The following PDE3A variants were observed in gnomAD, a reference collection of about 807,000 sequenced individuals.
PDE3A encodes cGMP-inhibited 3',5'-cyclic phosphodiesterase 3A.
A neutral mutation model predicts 98.3 loss-of-function variants in PDE3A; 43 were observed. That is an observed-to-expected ratio of 0.44 (90% confidence interval 0.34 to 0.56). The LOEUF (loss-of-function observed/expected upper bound fraction) is 0.56, where lower values mean the gene tolerates loss of function less well. Ranked by LOEUF, PDE3A falls within the 20% of genes least tolerant of loss-of-function variation. The probability of loss-of-function intolerance (pLI) is 0.01; values close to 1 mark genes in which losing one functional copy is unlikely to be tolerated. For missense variants in PDE3A, 1,427 were observed against 1,440.7 expected (o/e 0.99, Z 0.15); for synonymous variants, 663 against 567.9 (o/e 1.17, Z -2.38).
rs12319897 is a variant in PDE3A at position 20,498,279 on chromosome 12, C to A, written c.961-58381C>A. ...CAGATTAAAATATACCGCCCACCCC[C>A]CCAACTGAAGGAAATGTAGGAACTC... On this transcript the variant is annotated intron_variant, in intron 1 of 15. Transcript: ENST00000359062. Among the ~76,000 whole-genome samples, 1,162 of 152,128 alleles carry A rather than the reference C, an allele frequency of 7.6e-3. 14 individuals carry two copies. The highest frequency in any genetic ancestry group is 0.027 in the African/African-American group (1,116 of 41,514).
chr12:20,556,612 T>A, intron 1 of PDE3A, 48 bp from the exon 2 acceptor site: 1 of 1,156,658 alleles, frequency 8.6e-7, no homozygotes, highest in Non-Finnish European at 1.3e-6. Flanking sequence ...GAAAAATGTT[T>A]GTCAGGTAAA....
chr12:20,668,949 GA>G (rs1945395279), intron 15 of PDE3A, among the ~76,000 whole-genome samples: 1 of 149,468 alleles, frequency 6.7e-6, no homozygotes, highest in Non-Finnish European at 1.5e-5. Flanking sequence ...TGAAAACTTT[GA>G]AAAAAATTTA....
At chr12:20,635,942 T>A (rs1280440114) in intron 8 of PDE3A, among the ~76,000 whole-genome samples, 1 of 152,106 alleles carries the variant, frequency 6.6e-6, no homozygotes, top group Non-Finnish European at 1.5e-5. Context: ...AGTTATACAA[T>A]AATTGCAGAT....
intron 2 of PDE3A, among the ~76,000 whole-genome samples, chr12:20,599,304 A>C (rs1327945606): frequency 6.6e-6 from 1 of 151,544 alleles, no homozygotes; most frequent in African/African-American, 2.4e-5. Context: ...TGTCTGTCAT[A>C]CTTCTCCTGT....
chr12:20,674,604 G>A (rs1269047583), intron 15 of PDE3A, among the ~76,000 whole-genome samples: 5 of 152,092 alleles, frequency 3.3e-5, no homozygotes, highest in Non-Finnish European at 7.4e-5. Flanking sequence ...ATTGTTGGGA[G>A]TCTTTATTGC....
chr12:20,620,712 A>G (rs1384870008), intron 4 of PDE3A, among the ~76,000 whole-genome samples: 1 of 152,000 alleles, frequency 6.6e-6, no homozygotes, highest in Non-Finnish European at 1.5e-5. Flanking sequence ...AGTTCCTATC[A>G]TCAGTGTGTT....
chr12:20,474,078 T>A (rs1945485638), intron 1 of PDE3A, among the ~76,000 whole-genome samples: 2 of 152,184 alleles, frequency 1.3e-5, no homozygotes, highest in South Asian at 4.1e-4. Flanking sequence ...CCAAAGTGAT[T>A]GTAGCAATAT....
At chr12:20,642,014 TATA>T (rs1383794604) in intron 10 of PDE3A, among the ~76,000 whole-genome samples, 2 of 152,280 alleles carry the variant, frequency 1.3e-5, no homozygotes, top group East Asian at 3.9e-4. Flanking sequence ...TATCATTAGT[TATA>T]ATCAGCACAT....
chr12:20,452,182 A>G (rs10047559), intron 1 of PDE3A, among the ~76,000 whole-genome samples: 91,268 of 152,096 alleles, frequency 0.6, 27,860 homozygotes, highest in Admixed American at 0.69. Flanking sequence ...AGTTCTCATC[A>G]TGGTTCATAT....
At chr12:20,476,604 A>ATTCTGCTGT (rs1945535882) in intron 1 of PDE3A, among the ~76,000 whole-genome samples, 2 of 152,320 alleles carry the variant, frequency 1.3e-5, no homozygotes, top group South Asian at 4.1e-4. Flanking sequence ...TACACCCTGT[A>ATTCTGCTGT]AATCTACAGC....
At chr12:20,652,685 G>A (rs1043213983) in intron 14 of PDE3A, among the ~76,000 whole-genome samples, 1 of 152,038 alleles carries the variant, frequency 6.6e-6, no homozygotes, top group Non-Finnish European at 1.5e-5. Context: ...TGTCAGATGA[G>A]TAGGTTGCAA....
Position 20,662,038 on chromosome 12 carries a change from G to T in PDE3A, c.3184+7833G>T, listed in dbSNP as rs151056263. On this transcript the variant is annotated intron_variant, in intron 15 of 15. Transcript: ENST00000359062. ...GGAGGCTGTACCCTGTAAAGCCACA[G>T]GGGCAGAGCTGCCCAACACTATAGG... Among the ~76,000 whole-genome samples the T allele has an allele frequency of 1.2e-3, 187 of 152,282 alleles. 1 individual carries two copies. Among genetic ancestry groups the T allele is most frequent in the African/African-American group, 4.4e-3 (181 of 41,566 alleles).
rs138318469 is a variant in PDE3A at position 20,441,605 on chromosome 12, T to A, written c.960+71361T>A. 5.8e-4 allele frequency among the ~76,000 whole-genome samples: 88 copies of A among 152,332 alleles called. No individual in the cohort carries two copies. The East Asian group carries it at 0.014, about 25-fold the overall frequency. ...GATACAACTAATATGTGGCAGCAGA[T>A]GAACTTGAAACCAGGGACTGGGGTC... On this transcript the variant is annotated intron_variant, in intron 1 of 15. Transcript: ENST00000359062.
chr12:20,400,397 T>TTTTTGAGA (rs1944104036), intron 1 of PDE3A, among the ~76,000 whole-genome samples: 1 of 81,820 alleles, frequency 1.2e-5, no homozygotes, highest in Admixed American at 1.5e-4. Flanking sequence ...TTTTTTTTTT[T>TTTTTGAGA]TTTTTTTTTT....
At chr12:20,463,256 G>A (rs118032425) in intron 1 of PDE3A, among the ~76,000 whole-genome samples, 2,288 of 152,198 alleles carry the variant, frequency 0.015, 95 homozygotes, top group East Asian at 0.13. Context: ...AGTATGAAAA[G>A]CAATAGAGTA....
intron 1 of PDE3A, among the ~76,000 whole-genome samples, chr12:20,389,624 G>T (rs1943877633): frequency 6.6e-6 from 1 of 151,922 alleles, no homozygotes; most frequent in Non-Finnish European, 1.5e-5. Flanking sequence ...TGTGGGGATT[G>T]CTGGGGGAAG....
intron 10 of PDE3A, among the ~76,000 whole-genome samples, chr12:20,640,622 A>G (rs182223204): frequency 1.2e-3 from 181 of 152,300 alleles, no homozygotes; most frequent in African/African-American, 4.3e-3. Context: ...TCTTGTGGGA[A>G]TAAGTTTCCC....
chr12:20,506,059 T>A lies in PDE3A; in HGVS notation c.961-50601T>A, dbSNP rs117613692. Reference sequence around the variant, plus strand: ...ATAAGTATTGAAATATGCCAAATAATATATATTAGGGTCAAGGAGCTATGG... The same window carrying A: ...ATAAGTATTGAAATATGCCAAATAAAATATATTAGGGTCAAGGAGCTATGG... On this transcript the variant is annotated intron_variant, in intron 1 of 15. Coordinates refer to ENST00000359062, the MANE Select transcript of PDE3A (RefSeq NM_000921.5). 9.1e-3 allele frequency among the ~76,000 whole-genome samples: 1,387 copies of A among 151,648 alleles called. 48 individuals are homozygous for A. The highest frequency in any genetic ancestry group is 0.05 in the Admixed American group (761 of 15,168).
At chr12:20,528,701 A>C (rs1260543349) in intron 1 of PDE3A, among the ~76,000 whole-genome samples, 1 of 152,186 alleles carries the variant, frequency 6.6e-6, no homozygotes, top group Non-Finnish European at 1.5e-5. Flanking sequence ...AAACAACTGA[A>C]GGGAGGGAGA....
Sources: gnomAD v4.1 joint callset for allele counts (sites outside exome capture counted in the v4.1 genomes callset) on GRCh38, gnomAD v4.1.1 for gene constraint, MANE v1.5 for transcripts, NCBI Gene and HGNC (gene_info 2026-07-23, HGNC 2026-07-21) for gene names.